Variants in XKR6 observed in about 807,000 individuals in gnomAD.
XKR6 encodes the protein XK-related protein 6.
XKR6 carries 22 observed loss-of-function variants against 56.7 expected under a neutral mutation model. The observed-to-expected ratio is 0.39, with a 90% confidence interval of 0.28 to 0.55. The LOEUF is 0.55. XKR6 is among the 20% of genes least tolerant of loss of function. The probability of loss-of-function intolerance (pLI) is 0.66; values close to 1 mark genes in which losing one functional copy is unlikely to be tolerated. For synonymous variants in XKR6, 524 were observed against 387.8 expected (o/e 1.35, Z -4.13); for missense variants, 852 against 889.0 (o/e 0.96, Z 0.53).
intron 1 of XKR6, among the ~76,000 whole-genome samples, chr8:11,111,494 T>G (rs1798890287): frequency 6.6e-6 from 1 of 152,120 alleles, no homozygotes; most frequent in Non-Finnish European, 1.5e-5. Flanking sequence ...CCTTTAGGAG[T>G]GTCACTTGAT....
At chr8:11,171,653 A>G (rs1332483640) in intron 1 of XKR6, among the ~76,000 whole-genome samples, 3 of 152,184 alleles carry the variant, frequency 2.0e-5, no homozygotes, top group African/African-American at 7.2e-5. Context: ...GCCTTCTGCC[A>G]TGAGTGGAAG....
chr8:11,081,263 G>A (rs1232581976), intron 1 of XKR6, among the ~76,000 whole-genome samples: 1 of 152,206 alleles, frequency 6.6e-6, no homozygotes, highest in Non-Finnish European at 1.5e-5. Context: ...TTTACCTTTA[G>A]CTTGACCTCG....
intron 1 of XKR6, among the ~76,000 whole-genome samples, chr8:10,930,932 G>A (rs901384319): frequency 6.6e-6 from 1 of 152,116 alleles, no homozygotes; most frequent in Non-Finnish European, 1.5e-5. Flanking sequence ...GTTCAGTGCA[G>A]TAAGTCAAGA....
intron 1 of XKR6, among the ~76,000 whole-genome samples, chr8:11,188,846 C>T (rs535780694): frequency 6.6e-6 from 1 of 152,272 alleles, no homozygotes; most frequent in South Asian, 2.1e-4. Flanking sequence ...GGATTTCTGG[C>T]CCTGAGCTTC....
chr8:10,970,903 A>C (rs539979568), intron 1 of XKR6, among the ~76,000 whole-genome samples: 1 of 151,772 alleles, frequency 6.6e-6, no homozygotes, highest in Non-Finnish European at 1.5e-5. Context: ...TTCCAGTGCC[A>C]GGAAGAGGTC....
chr8:11,016,287 G>T lies in XKR6; in HGVS notation c.765-91457C>A, dbSNP rs370709502. 8.1e-3 allele frequency among the ~76,000 whole-genome samples: 1,239 copies of T among 152,246 alleles called. 16 individuals carry two copies. Among genetic ancestry groups the T allele is most frequent in the African/African-American group, 0.028 (1,169 of 41,566 alleles). ...CGTCCCTCTGCCCCGCGCCCTGGAT[G>T]GGGAGGGTCTGGGCTCCGCGCCGCG... is the stretch of plus-strand genomic sequence containing the variant. On this transcript the variant is annotated intron_variant, in intron 1 of 2. Coordinates refer to ENST00000416569, the MANE Select transcript of XKR6 (RefSeq NM_173683.4).
At chr8:11,181,623 G>C (rs1040653632) in intron 1 of XKR6, among the ~76,000 whole-genome samples, 1 of 152,184 alleles carries the variant, frequency 6.6e-6, no homozygotes, top group African/African-American at 2.4e-5. Flanking sequence ...AAGAGGAATA[G>C]ATAAGGTATA....
intron 1 of XKR6, among the ~76,000 whole-genome samples, chr8:11,035,793 G>C (rs530371195): frequency 4.0e-4 from 61 of 151,988 alleles, no homozygotes; most frequent in African/African-American, 1.4e-3. Context: ...ACTGAGGAGA[G>C]GGAGGTAAGT....
chr8:11,110,645 G>A (rs1277349220), intron 1 of XKR6, among the ~76,000 whole-genome samples: 2 of 152,002 alleles, frequency 1.3e-5, no homozygotes, highest in Non-Finnish European at 2.9e-5. Flanking sequence ...ATATGTATCT[G>A]CCCCAGAATG....
Position 11,008,836 on chromosome 8 carries a change from G to A in XKR6, c.765-84006C>T, listed in dbSNP as rs192820289. 1.2e-3 allele frequency among the ~76,000 whole-genome samples: 183 copies of A among 152,058 alleles called. 2 individuals are homozygous for A. Among genetic ancestry groups the A allele is most frequent in the African/African-American group, 4.1e-3 (172 of 41,478 alleles). On this transcript the variant is annotated intron_variant, in intron 1 of 2. Transcript: ENST00000416569. ...AATGCCATTGGTTGCAGGCCCCCCC[G>A]CCCAAGGAGCATGAGGCCCTGCAAC...
intron 1 of XKR6, among the ~76,000 whole-genome samples, chr8:11,159,490 C>A (rs921805601): frequency 2.6e-5 from 4 of 152,242 alleles, no homozygotes; most frequent in Non-Finnish European, 5.9e-5. Context: ...GACGCTGCTT[C>A]TGTATGGCCA....
chr8:11,107,782 G>C lies in XKR6; in HGVS notation c.764+92794C>G, dbSNP rs184108917. ...CTGCTAGGTTCATCCGCAACAGACA[G>C]GAATGTTTGCGAGGTGAGAGTTGTA... On this transcript the variant is annotated intron_variant, in intron 1 of 2. Transcript: ENST00000416569. 1.4e-3 allele frequency: 224 copies of C among 155,714 alleles called. 2 individuals are homozygous for C. Among genetic ancestry groups the C allele is most frequent in the Non-Finnish European group, 2.7e-3 (193 of 70,626 alleles). The allele number at this position is 155,714 out of a possible 1,614,324, so 9.6% of individuals were successfully genotyped here.
intron 1 of XKR6, among the ~76,000 whole-genome samples, chr8:10,948,807 T>A (rs999993524): frequency 1.3e-5 from 2 of 152,214 alleles, no homozygotes; most frequent in Non-Finnish European, 2.9e-5. Context: ...GGAGACGTGC[T>A]CATCTGTGTT....
chr8:11,196,214 A>C (rs2117152822), intron 1 of XKR6, among the ~76,000 whole-genome samples: 1 of 152,104 alleles, frequency 6.6e-6, no homozygotes, highest in South Asian at 2.1e-4. Flanking sequence ...TCCCAACACC[A>C]CTCATAATCC....
At chr8:11,099,525 TCTCTTACAGTCG>T (rs1798387654) in intron 1 of XKR6, among the ~76,000 whole-genome samples, 1 of 152,204 alleles carries the variant, frequency 6.6e-6, no homozygotes, top group Non-Finnish European at 1.5e-5. Flanking sequence ...GATCAGCTCC[TCTCTTACAGTCG>T]CTGGATTTTT....
intron 1 of XKR6, chr8:11,066,824 G>C (rs543928148): frequency 6.6e-6 from 1 of 152,158 alleles, no homozygotes; most frequent in Admixed American, 6.5e-5. Flanking sequence ...CCTGCAACAG[G>C]CTGGGGGAAC....
intron 1 of XKR6, among the ~76,000 whole-genome samples, chr8:11,042,839 G>A (rs1799319101): frequency 6.6e-6 from 1 of 152,206 alleles, no homozygotes; most frequent in African/African-American, 2.4e-5. Context: ...CCCCTGCCTT[G>A]GCAGAAATGG....
At chr8:10,954,452 A>C (rs774963840) in intron 1 of XKR6, among the ~76,000 whole-genome samples, 33 of 152,342 alleles carry the variant, frequency 2.2e-4, no homozygotes, top group Admixed American at 5.9e-4. Context: ...GTGGCCATTT[A>C]TATATCTCCT....
intron 1 of XKR6, among the ~76,000 whole-genome samples, chr8:10,954,866 C>CCTTTTTTTTTTTTTTTTTTTTT (rs1554515116): frequency 1.1e-5 from 1 of 92,794 alleles, no homozygotes; most frequent in African/African-American, 4.3e-5. Flanking sequence ...ACTTCATTCT[C>CCTTTTTTTTTTTTTTTTTTTTT]TTTTTTTTTT....
Sources: allele counts gnomAD v4.1 joint callset (sites outside exome capture counted in the v4.1 genomes callset), GRCh38; gene constraint gnomAD v4.1.1; transcripts MANE v1.5; gene names NCBI Gene and HGNC (gene_info 2026-07-23, HGNC 2026-07-21).